Variants in KIF9 observed in about 807,000 individuals in gnomAD.
KIF9 encodes kinesin-like protein KIF9.
KIF9 carries 68 observed loss-of-function variants against 94.8 expected under a neutral mutation model. The observed-to-expected ratio is 0.72, with a 90% CI of 0.59 to 0.88. KIF9 has a LOEUF of 0.88. Among genes scored for constraint, KIF9 ranks in the 40% least tolerant of loss-of-function variants. The pLI is 0.00. For missense variants in KIF9, 882 were observed against 982.5 expected, an observed-to-expected ratio of 0.90 and a Z score of 1.37; for synonymous variants, 343 against 362.1, an observed-to-expected ratio of 0.95 and a Z score of 0.60.
chr3:47,282,766 C>G lies in KIF9; in HGVS notation c.-277G>C. The G allele has an allele frequency of 7.0e-7, 1 of 1,427,378 alleles. No homozygotes were observed. Among genetic ancestry groups the G allele is most frequent in the Non-Finnish European group, 9.1e-7 (1 of 1,094,594 alleles). 88.4% of individuals were successfully genotyped at this position (1,427,378 alleles called of 1,614,324 possible). A position where few individuals can be genotyped will look rare whatever the true frequency, so the allele number is the denominator to read the frequency against. ...ACATGCGAAGTCAAGGTCGAGATAG[C>G]GAGGGAACGAAGGCCGCACATGAAC... On this transcript the variant is annotated 5_prime_UTR_variant, in exon 1 of 21. Transcript: ENST00000684063.
chr3:47,260,460 C>G (rs941642952), intron 9 of KIF9, among the ~76,000 whole-genome samples: 2 of 152,166 alleles, frequency 1.3e-5, no homozygotes, highest in South Asian at 2.1e-4. Context: ...TCCCACCTTA[C>G]GAGAAACACC....
At chr3:47,245,865 C>T (rs763845429) in intron 13 of KIF9, 52 of 474,048 alleles carry the variant, frequency 1.1e-4, no homozygotes, top group Admixed American at 4.4e-4. Flanking sequence ...AGTGACACCA[C>T]CTAGCATAAG....
At chr3:47,232,109 T>C (rs1324692736) in intron 20 of KIF9, among the ~76,000 whole-genome samples, 1 of 152,120 alleles carries the variant, frequency 6.6e-6, no homozygotes, top group East Asian at 1.9e-4. Flanking sequence ...TAGTGCCCTA[T>C]AAAAGGGGCC....
intron 17 of KIF9, among the ~76,000 whole-genome samples, chr3:47,237,026 C>T (rs914460726): frequency 6.6e-6 from 1 of 152,238 alleles, no homozygotes; most frequent in Non-Finnish European, 1.5e-5. Flanking sequence ...GGCACTTGGG[C>T]AAGGCTCCTT....
At chr3:47,245,825 G>C in intron 13 of KIF9, 1 of 482,786 alleles carries the variant, frequency 2.1e-6, no homozygotes, top group South Asian at 2.7e-5. Flanking sequence ...CTGTCTCTAA[G>C]AGGCCACTTG....
chr3:47,282,338 G>C, intron 1 of KIF9, 157 bp downstream of exon 1: 2 of 986,034 alleles, frequency 2.0e-6, no homozygotes, highest in South Asian at 9.3e-5. Context: ...AAGGACTCCC[G>C]CGACGTCGAG....
chr3:47,265,011 C>T (rs375625650), intron 8 of KIF9, among the ~76,000 whole-genome samples: 43 of 152,316 alleles, frequency 2.8e-4, no homozygotes, highest in East Asian at 1.2e-3. Flanking sequence ...GAATCTTGAA[C>T]CTTCCAGTCT....
chr3:47,280,991 G>T (rs1702298176), intron 1 of KIF9: 1 of 703,044 alleles, frequency 1.4e-6, no homozygotes, highest in African/African-American at 1.7e-5. Flanking sequence ...CGCTTCATTT[G>T]AGTGGGTTTC....
chr3:47,228,425 C>A lies in KIF9; in HGVS notation c.*227G>T. ...GTCCAAACTAGAAAGTTATTTTATC[C>A]TGTCCCTGCATATAAGACAGTGAAT... is the stretch of plus-strand genomic sequence containing the variant. On this transcript the variant is annotated 3_prime_UTR_variant, in exon 21 of 21. Transcript: ENST00000684063. 1 of 551,458 alleles carries A rather than the reference C, an allele frequency of 1.8e-6. No homozygotes were observed. Among genetic ancestry groups the A allele is most frequent in the Non-Finnish European group, 3.3e-6 (1 of 306,074 alleles). 34.2% of individuals were successfully genotyped at this position (551,458 alleles called of 1,614,324 possible).
intron 16 of KIF9, among the ~76,000 whole-genome samples, chr3:47,241,567 C>T (rs893476930): frequency 6.6e-6 from 1 of 151,384 alleles, no homozygotes; most frequent in African/African-American, 2.4e-5. Flanking sequence ...GGTAATCCAC[C>T]CGCCTCAGCC....
At chr3:47,241,488 A>AT (rs1244960026) in intron 16 of KIF9, among the ~76,000 whole-genome samples, 3 of 150,606 alleles carry the variant, frequency 2.0e-5, no homozygotes, top group Non-Finnish European at 4.4e-5. Context: ...CACCTGGCTA[A>AT]TTTTTTTATT....
chr3:47,279,544 A>C (rs1250516960), intron 1 of KIF9, among the ~76,000 whole-genome samples: 1 of 152,196 alleles, frequency 6.6e-6, no homozygotes, highest in South Asian at 2.1e-4. Context: ...CCTCATGTAT[A>C]ACAGGGACTA....
At chr3:47,251,489 G>T (rs545595869) in intron 10 of KIF9, among the ~76,000 whole-genome samples, 4 of 152,084 alleles carry the variant, frequency 2.6e-5, no homozygotes, top group African/African-American at 9.7e-5. Context: ...GCTTGAACCC[G>T]GGAGGCAGAG....
At chr3:47,259,396 T>G (rs1256466601) in intron 9 of KIF9, among the ~76,000 whole-genome samples, 1 of 152,224 alleles carries the variant, frequency 6.6e-6, no homozygotes, top group African/African-American at 2.4e-5. Context: ...CTGGGCTCTC[T>G]CAGCCTCCCT....
chr3:47,252,394 G>C (rs572542071), intron 10 of KIF9, among the ~76,000 whole-genome samples: 1 of 151,610 alleles, frequency 6.6e-6, no homozygotes, highest in South Asian at 2.1e-4. Context: ...AGGAGCTCAA[G>C]ACCACCCTGG....
Position 47,236,446 on chromosome 3 carries a change from T to G in KIF9, c.2098A>C (p.Met700Leu). ...CCAACCTTCCCAACTGTCGCACCCATGAGCAGGCGGTGGCGACACTGATCC... is the reference window on the plus strand; with the variant it reads ...CCAACCTTCCCAACTGTCGCACCCAGGAGCAGGCGGTGGCGACACTGATCC... Reference protein sequence around the residue: ...LVDQCRHRLLMEFDIWYNESF... With the variant: ...LVDQCRHRLLLEFDIWYNESF... The change falls in exon 18 of 21, where the codon ATG (methionine) becomes CTG (leucine). Residue 700 changes from methionine (M) to leucine (L), a missense_variant. Coordinates refer to ENST00000684063, the MANE Select transcript of KIF9 (RefSeq NM_182902.4). 6.2e-7 allele frequency: 1 copy of G among 1,612,922 alleles called. No homozygotes were observed. The highest frequency in any genetic ancestry group is 8.5e-7 in the Non-Finnish European group (1 of 1,179,994).
At chr3:47,266,918 G>T in intron 7 of KIF9, 58 bp downstream of exon 7, 1 of 1,251,642 alleles carries the variant, frequency 8.0e-7, no homozygotes, top group Non-Finnish European at 1.2e-6. Flanking sequence ...TGCAGGCACT[G>T]TGCCAGAAAA....
At chr3:47,257,631 A>G in intron 9 of KIF9, 71 bp from the exon 10 acceptor site, 4 of 1,382,424 alleles carry the variant, frequency 2.9e-6, no homozygotes, top group African/African-American at 1.4e-5. Context: ...CGGCCTTCTC[A>G]GAGACCTTGC....
chr3:47,230,811 G>A (rs759001769), intron 20 of KIF9, among the ~76,000 whole-genome samples: 7 of 152,298 alleles, frequency 4.6e-5, no homozygotes, highest in Non-Finnish European at 7.3e-5. Flanking sequence ...AAGCCAAGGC[G>A]GGTGGATCAC....
Sources: gnomAD v4.1 joint callset for allele counts (sites outside exome capture counted in the v4.1 genomes callset) on GRCh38, gnomAD v4.1.1 for gene constraint, MANE v1.5 for transcripts, NCBI Gene and HGNC (gene_info 2026-07-23, HGNC 2026-07-21) for gene names.